RABGAP1L: variants seen among roughly 807,000 people sequenced by gnomAD.
RABGAP1L encodes the protein rab GTPase-activating protein 1-like.
Under a neutral mutation model 137.7 loss-of-function variants are expected in RABGAP1L, and 63 were observed. That is an observed-to-expected ratio of 0.46 (90% confidence interval 0.37 to 0.56). The LOEUF (loss-of-function observed/expected upper bound fraction) is 0.56. Among genes scored for constraint, RABGAP1L ranks in the 20% least tolerant of loss-of-function variants. The pLI, the probability that RABGAP1L is intolerant of heterozygous loss-of-function variation, is 0.00. For synonymous variants in RABGAP1L, 431 were observed against 433.7 expected, an observed-to-expected ratio of 0.99 and a Z score of 0.08; for missense variants, 1,095 against 1,244.0, an observed-to-expected ratio of 0.88 and a Z score of 1.80.
At chr1:174,509,526 T>TC (rs907609631) in intron 13 of RABGAP1L, among the ~76,000 whole-genome samples, 11 of 151,932 alleles carry the variant, frequency 7.2e-5, no homozygotes, top group Non-Finnish European at 1.5e-4. Flanking sequence ...TTGCCCTTTT[T>TC]CCCCCCAAAT....
At chr1:174,299,855 CTG>C (rs1677496106) in intron 10 of RABGAP1L, among the ~76,000 whole-genome samples, 1 of 152,110 alleles carries the variant, frequency 6.6e-6, no homozygotes, top group African/African-American at 2.4e-5. Flanking sequence ...TATCAGAAGT[CTG>C]TGTTTGAGAG....
intron 19 of RABGAP1L, among the ~76,000 whole-genome samples, chr1:174,813,460 TA>T (rs1327754971): frequency 6.6e-6 from 1 of 152,228 alleles, no homozygotes; most frequent in East Asian, 1.9e-4. Flanking sequence ...AGACTTCTTT[TA>T]GGCACCAGAG....
intron 17 of RABGAP1L, among the ~76,000 whole-genome samples, chr1:174,744,592 T>C (rs558707324): frequency 6.6e-5 from 10 of 152,362 alleles, no homozygotes; most frequent in African/African-American, 1.9e-4. Context: ...GGGCACAGCA[T>C]CACTTCTGTG....
intron 18 of RABGAP1L, among the ~76,000 whole-genome samples, chr1:174,760,155 C>G (rs557725343): frequency 4.1e-4 from 62 of 152,170 alleles, no homozygotes; most frequent in African/African-American, 1.4e-3. Context: ...TCCGTTGCCA[C>G]ACTGCCAGTA....
intron 13 of RABGAP1L, among the ~76,000 whole-genome samples, chr1:174,444,451 C>A (rs912498839): frequency 6.6e-6 from 1 of 151,938 alleles, no homozygotes; most frequent in African/African-American, 2.4e-5. Context: ...TAGTGCTGGC[C>A]TCACAGAATG....
intron 11 of RABGAP1L, among the ~76,000 whole-genome samples, chr1:174,348,969 T>C (rs1247811661): frequency 6.6e-6 from 1 of 151,876 alleles, no homozygotes; most frequent in Non-Finnish European, 1.5e-5. Context: ...CAATGAGCTG[T>C]TGGGCACACC....
At chr1:174,179,377 C>T (rs1370863333) in intron 1 of RABGAP1L, among the ~76,000 whole-genome samples, 1 of 152,200 alleles carries the variant, frequency 6.6e-6, no homozygotes, top group Non-Finnish European at 1.5e-5. Flanking sequence ...TAACTTGCCA[C>T]TCAAACAATT....
At chr1:174,301,277 A>G (rs375044470) in intron 10 of RABGAP1L, among the ~76,000 whole-genome samples, 7 of 151,520 alleles carry the variant, frequency 4.6e-5, no homozygotes, top group Non-Finnish European at 8.8e-5. Context: ...GCACCCAGGC[A>G]GGGGTGCTGT....
chr1:174,812,016 A>G (rs1157769570), intron 19 of RABGAP1L, 56 bp downstream of exon 19: 18 of 1,454,302 alleles, frequency 1.2e-5, no homozygotes, highest in Non-Finnish European at 1.6e-5. Flanking sequence ...GAATAATATG[A>G]CAAATTATGT....
At chr1:174,664,619 C>A (rs1276321910) in intron 14 of RABGAP1L, among the ~76,000 whole-genome samples, 2 of 151,896 alleles carry the variant, frequency 1.3e-5, no homozygotes, top group East Asian at 1.9e-4. Context: ...TTTTTTAATA[C>A]CTTCCAGGTG....
chr1:174,989,748 C>A, intron 25 of RABGAP1L, 101 bp from the exon 26 acceptor site: 1 of 1,296,644 alleles, frequency 7.7e-7, no homozygotes, highest in Non-Finnish European at 1.0e-6. Flanking sequence ...GGAAAATTGG[C>A]AGCACATACC....
intron 12 of RABGAP1L, among the ~76,000 whole-genome samples, chr1:174,387,602 A>G (rs1571565111): frequency 6.6e-6 from 1 of 152,032 alleles, no homozygotes; most frequent in Admixed American, 6.6e-5. Context: ...TAACAGAGAA[A>G]CAAATTGGGA....
intron 13 of RABGAP1L, among the ~76,000 whole-genome samples, chr1:174,635,081 GA>G (rs1207043908): frequency 2.9e-4 from 43 of 150,774 alleles, no homozygotes; most frequent in African/African-American, 7.3e-5. Flanking sequence ...AGAAAAAAAA[GA>G]AAAAAATTAC....
At chr1:174,863,836 C>T (rs536147291) in intron 19 of RABGAP1L, among the ~76,000 whole-genome samples, 6 of 151,694 alleles carry the variant, frequency 4.0e-5, no homozygotes, top group Non-Finnish European at 7.4e-5. Context: ...AAAAATTAGC[C>T]GGGAGTGGTG....
At chr1:174,249,999 T>C (rs576349964) in intron 5 of RABGAP1L, among the ~76,000 whole-genome samples, 2 of 152,296 alleles carry the variant, frequency 1.3e-5, no homozygotes, top group African/African-American at 2.4e-5. Context: ...TCCTAAATCA[T>C]AGTTCTCTTC....
intron 13 of RABGAP1L, among the ~76,000 whole-genome samples, chr1:174,497,749 G>A (rs1660874152): frequency 6.6e-6 from 1 of 152,180 alleles, no homozygotes; most frequent in South Asian, 2.1e-4. Context: ...TGCTTATAAA[G>A]AGCAGTGACC....
At chr1:174,977,264 A>G (rs901781429) in intron 22 of RABGAP1L, among the ~76,000 whole-genome samples, 3 of 152,132 alleles carry the variant, frequency 2.0e-5, no homozygotes, top group Non-Finnish European at 2.9e-5. Flanking sequence ...TTTGGCATTT[A>G]CAGCGGCCCA....
intron 19 of RABGAP1L, among the ~76,000 whole-genome samples, chr1:174,871,195 G>A (rs983618240): frequency 1.3e-5 from 2 of 151,804 alleles, no homozygotes; most frequent in Admixed American, 1.3e-4. Flanking sequence ...ACAGAGTCTT[G>A]CTGTGTCACC....
intron 19 of RABGAP1L, among the ~76,000 whole-genome samples, chr1:174,887,870 AC>A (rs2149108241): frequency 6.6e-6 from 1 of 152,092 alleles, no homozygotes; most frequent in South Asian, 2.1e-4. Context: ...CCCAATCTCT[AC>A]CAAAAAAATA....
Sources: gnomAD v4.1 joint callset for allele counts (sites outside exome capture counted in the v4.1 genomes callset) on GRCh38, gnomAD v4.1.1 for gene constraint, MANE v1.5 for transcripts, NCBI Gene and HGNC (gene_info 2026-07-23, HGNC 2026-07-21) for gene names.